SYN2: variants seen among roughly 807,000 people sequenced by gnomAD.
SYN2 encodes synapsin-2.
Under a neutral mutation model 50.9 loss-of-function variants are expected in SYN2, and 19 were observed. The ratio of observed to expected loss-of-function variants is 0.37; its 90% CI spans 0.26 to 0.55. The LOEUF is 0.55. Among genes scored for constraint, SYN2 ranks in the 20% least tolerant of loss-of-function variants. SYN2 has a pLI of 0.81. For missense variants in SYN2, 587 were observed against 576.4 expected (o/e 1.02, Z -0.19); for synonymous variants, 255 against 224.9 (o/e 1.13, Z -1.20).
intron 10 of SYN2, among the ~76,000 whole-genome samples, chr3:12,182,538 G>C (rs1455085186): frequency 6.6e-6 from 1 of 152,206 alleles, no homozygotes; most frequent in African/African-American, 2.4e-5. Context: ...ATGCTGTTGG[G>C]TTAAGTGTAG....
chr3:12,036,378 C>T (rs1288286488), intron 1 of SYN2, among the ~76,000 whole-genome samples: 1 of 152,190 alleles, frequency 6.6e-6, no homozygotes, highest in African/African-American at 2.4e-5. Context: ...TGCCATGGCT[C>T]CACATTTCTT....
chr3:12,165,546 G>A (rs1697763332), intron 7 of SYN2: 1 of 152,228 alleles, frequency 6.6e-6, no homozygotes, highest in Non-Finnish European at 1.5e-5. Context: ...ATCGTGGGAA[G>A]AAAGTTAACA....
rs1696817419 is a variant in SYN2, at chr3:12,132,535, C to T, written c.378-8116C>T. Among the ~76,000 whole-genome samples the T allele has an allele frequency of 3.3e-5, 5 of 152,212 alleles. No homozygotes were observed. In the South Asian group the frequency reaches 8.3e-4, roughly 25 times the overall value. ...CACTCAGTGTTTGTTTTTTCTTTCC[C>T]TCCTCCTCCACACCCATGTGTTGCC... On this transcript the variant is annotated intron_variant, in intron 1 of 12. Transcript: ENST00000621198.
rs751722396 is a variant in SYN2 at position 12,080,263 on chromosome 3, AT to A, written c.378-60376del. Among the ~76,000 whole-genome samples the A allele has an allele frequency of 4.1e-3, 585 of 144,142 alleles. 1 individual carries two copies. The highest frequency in any genetic ancestry group is 7.1e-3 in the Middle Eastern group (2 of 280). The allele number at this position is 144,142 out of a possible 152,430, so 94.6% of individuals were successfully genotyped here. On this transcript the variant is annotated intron_variant, in intron 1 of 12. Transcript: ENST00000621198. ...AAAACAACAGCTCCCGGATTCATTGATTTTTTTTTTTTGAAGGGTTTTTTGT... is the reference window on the plus strand; with the variant it reads ...AAAACAACAGCTCCCGGATTCATTGATTTTTTTTTTTGAAGGGTTTTTTGT...
At position 12,083,941 on chromosome 3, in the gene SYN2, T is replaced by C. The variant is rs149668013; in HGVS notation, c.378-56710T>C. On this transcript the variant is annotated intron_variant, in intron 1 of 12. Coordinates refer to ENST00000621198, the MANE Select transcript of SYN2 (RefSeq NM_133625.6). ...AAATCCTTAGAGACCATATAATGTG[T>C]TTCATGGGTTGGGATAGGGAGAGGA... Among the ~76,000 whole-genome samples, 704 of 152,280 alleles carry C rather than the reference T, an allele frequency of 4.6e-3. 5 individuals carry two copies. The highest frequency in any genetic ancestry group is 0.016 in the African/African-American group (646 of 41,540).
intron 1 of SYN2, among the ~76,000 whole-genome samples, chr3:12,075,472 C>A (rs774479811): frequency 3.9e-5 from 6 of 152,028 alleles, no homozygotes; most frequent in Non-Finnish European, 8.8e-5. Context: ...TTTTTAATAA[C>A]CAACACAGGT....
At chr3:12,005,040 G>GT in intron 1 of SYN2, 112 bp downstream of exon 1, 1 of 383,208 alleles carries the variant, frequency 2.6e-6, no homozygotes, top group Non-Finnish European at 4.6e-6. Flanking sequence ...AAAAAGGAGG[G>GT]TCCCCGAGGT....
At chr3:12,035,414 G>A (rs1694477601) in intron 1 of SYN2, among the ~76,000 whole-genome samples, 2 of 152,192 alleles carry the variant, frequency 1.3e-5, no homozygotes, top group African/African-American at 4.8e-5. Context: ...CCATCAACCT[G>A]GCATAGCAAA....
chr3:12,037,165 AG>A (rs370479722), intron 1 of SYN2, among the ~76,000 whole-genome samples: 1 of 152,332 alleles, frequency 6.6e-6, no homozygotes, highest in African/African-American at 2.4e-5. Context: ...TGGCCACTTA[AG>A]TAATCCCTAA....
chr3:12,105,449 TTTTC>T (rs906801461), intron 1 of SYN2, among the ~76,000 whole-genome samples: 5 of 145,458 alleles, frequency 3.4e-5, no homozygotes, highest in African/African-American at 1.3e-4. Flanking sequence ...GAAGAAAAGA[TTTTC>T]TTTCCTTTTC....
chr3:12,169,059 G>A (rs531778312), intron 9 of SYN2, among the ~76,000 whole-genome samples: 23 of 152,286 alleles, frequency 1.5e-4, no homozygotes, highest in Non-Finnish European at 1.5e-5. Flanking sequence ...GGTGTCAGGA[G>A]CCCAAAGTAG....
intron 2 of SYN2, among the ~76,000 whole-genome samples, chr3:12,141,068 G>A (rs536141548): frequency 1.3e-5 from 2 of 152,254 alleles, no homozygotes; most frequent in African/African-American, 4.8e-5. Flanking sequence ...GATATTTCTC[G>A]GTAGGCACAT....
intron 1 of SYN2, among the ~76,000 whole-genome samples, chr3:12,098,598 G>A (rs1213886858): frequency 6.6e-6 from 1 of 151,714 alleles, no homozygotes; most frequent in South Asian, 2.1e-4. Flanking sequence ...TATTTAAATG[G>A]TATAGTAGAA....
chr3:12,181,104 A>G (rs1181010605), intron 10 of SYN2, among the ~76,000 whole-genome samples: 1 of 152,232 alleles, frequency 6.6e-6, no homozygotes, highest in Non-Finnish European at 1.5e-5. Context: ...TATTTTTACA[A>G]AAGAAAGTTC....
intron 11 of SYN2, chr3:12,185,083 T>C (rs1188963617): frequency 2.0e-6 from 2 of 985,722 alleles, no homozygotes; most frequent in Non-Finnish European, 2.4e-6. Context: ...TGAGTGTGAA[T>C]GTTGTCATCT....
At chr3:12,100,447 T>A (rs1017784565) in intron 1 of SYN2, among the ~76,000 whole-genome samples, 1 of 152,150 alleles carries the variant, frequency 6.6e-6, no homozygotes, top group Non-Finnish European at 1.5e-5. Context: ...AGAATGAGAT[T>A]GGAACCCTAT....
intron 1 of SYN2, among the ~76,000 whole-genome samples, chr3:12,075,983 G>A (rs897540771): frequency 3.3e-5 from 5 of 152,004 alleles, no homozygotes; most frequent in Non-Finnish European, 7.4e-5. Flanking sequence ...TAATCTTCAC[G>A]ACAATCCTGT....
chr3:12,057,719 C>G (rs1324682560), intron 1 of SYN2, among the ~76,000 whole-genome samples: 1 of 152,114 alleles, frequency 6.6e-6, no homozygotes, highest in Non-Finnish European at 1.5e-5. Context: ...ATCTCTATAG[C>G]TTTCTGCTTT....
At chr3:12,015,367 T>G (rs1274460163) in intron 1 of SYN2, among the ~76,000 whole-genome samples, 2 of 152,190 alleles carry the variant, frequency 1.3e-5, no homozygotes, top group African/African-American at 2.4e-5. Flanking sequence ...TTGAAGGCAG[T>G]GACTATAACT....
Sources: gnomAD v4.1 joint callset for allele counts (sites outside exome capture counted in the v4.1 genomes callset) on GRCh38, gnomAD v4.1.1 for gene constraint, MANE v1.5 for transcripts, NCBI Gene and HGNC (gene_info 2026-07-23, HGNC 2026-07-21) for gene names.